REV3L: variants seen among roughly 807,000 people sequenced by gnomAD.
The protein encoded by REV3L is REV3 like, DNA directed polymerase zeta catalytic subunit.
In REV3L, 69 loss-of-function variants were observed where a neutral mutation model predicts 299.4. The ratio of observed to expected loss-of-function variants is 0.23; its 90% CI spans 0.19 to 0.28. The LOEUF (loss-of-function observed/expected upper bound fraction) is 0.28. Ranked by LOEUF, REV3L falls within the 10% of genes least tolerant of loss-of-function variation. The pLI is 1.00. For missense variants in REV3L, 3,128 were observed against 3,693.8 expected, an observed-to-expected ratio of 0.85 and a Z score of 3.97; for synonymous variants, 1,238 against 1,271.4, an observed-to-expected ratio of 0.97 and a Z score of 0.56.
chr6:111,362,436 G>C (rs1379942072), intron 16 of REV3L, among the ~76,000 whole-genome samples: 1 of 152,064 alleles, frequency 6.6e-6, no homozygotes, highest in African/African-American at 2.4e-5. Flanking sequence ...CTTAAAGGTG[G>C]TTACTAATCC....
In REV3L at chr6:111,322,692, C is replaced by A; in HGVS notation, c.8242-14G>T. On this transcript the variant is annotated splice_polypyrimidine_tract_variant and intron_variant, in intron 25 of 31. Transcript: ENST00000368802. ...ACTATCGCCAACCTGTTGGTACAAA[C>A]ACATTGGAAATAATTTCTTAACATA... 1 of 1,595,280 alleles carries A rather than the reference C, an allele frequency of 6.3e-7. No individual in the cohort carries two copies. Among genetic ancestry groups the A allele is most frequent in the Non-Finnish European group, 8.6e-7 (1 of 1,162,990 alleles).
chr6:111,443,784 C>T (rs1788541629), intron 1 of REV3L, among the ~76,000 whole-genome samples: 2 of 152,178 alleles, frequency 1.3e-5, no homozygotes, highest in African/African-American at 4.8e-5. Flanking sequence ...GGGTCTTAAC[C>T]TGTCCATACA....
intron 9 of REV3L, among the ~76,000 whole-genome samples, chr6:111,385,812 A>G (rs1781287083): frequency 1.3e-5 from 2 of 152,196 alleles, no homozygotes; most frequent in South Asian, 2.1e-4. Flanking sequence ...CACAAAATGT[A>G]ATTCACAAAC....
intron 1 of REV3L, among the ~76,000 whole-genome samples, chr6:111,448,814 A>G (rs991838640): frequency 1.4e-5 from 2 of 147,254 alleles, no homozygotes; most frequent in Non-Finnish European, 3.0e-5. Flanking sequence ...AATTTTTAAC[A>G]AAGATGAGGT....
intron 26 of REV3L, among the ~76,000 whole-genome samples, chr6:111,320,911 A>C (rs911649824): frequency 5.3e-5 from 8 of 152,340 alleles, no homozygotes; most frequent in African/African-American, 1.4e-4. Context: ...TTGGCCTCCC[A>C]AAGTGCTAGG....
chr6:111,367,467 T>A lies in REV3L; in HGVS notation c.6321A>T (p.Glu2107Asp), dbSNP rs150039219. Residue 2107 changes from glutamate to aspartate, a missense_variant, in exon 14 of 32, where the codon GAA becomes GAT. By Grantham distance (45) the Glu-to-Asp change is conservative (BLOSUM62 2). Transcript: ENST00000368802. ...VASASDPEKD[E>D]DDDDNYYISY... ...TAATGTAATAGTTATCATCATCATC[T>A]TCATCTTTTTCGGGATCACTTGCAG... 27 of 1,608,632 alleles carry A rather than the reference T, an allele frequency of 1.7e-5. No homozygotes were observed. In the African/African-American group the frequency reaches 2.8e-4, roughly 17 times the overall value.
intron 3 of REV3L, among the ~76,000 whole-genome samples, chr6:111,410,728 C>G (rs536207971): frequency 6.6e-6 from 1 of 152,270 alleles, no homozygotes; most frequent in South Asian, 2.1e-4. Context: ...TCTGGGCAGT[C>G]GTGCCCCCTG....
chr6:111,480,668 T>A (rs1793516786), intron 1 of REV3L, among the ~76,000 whole-genome samples: 1 of 152,072 alleles, frequency 6.6e-6, no homozygotes, highest in African/African-American at 2.4e-5. Flanking sequence ...CAAATTCAAT[T>A]TGATAATCCT....
intron 4 of REV3L, among the ~76,000 whole-genome samples, chr6:111,403,189 T>C (rs1224518158): frequency 1.3e-5 from 2 of 152,136 alleles, no homozygotes; most frequent in Non-Finnish European, 2.9e-5. Flanking sequence ...TGGGCAAATA[T>C]ACAGAGACCA....
chr6:111,413,355 A>G (rs1022005110), intron 2 of REV3L, among the ~76,000 whole-genome samples: 4 of 152,124 alleles, frequency 2.6e-5, no homozygotes, highest in African/African-American at 4.8e-5. Context: ...ATATCTCGTA[A>G]TTAGTTTTTT....
chr6:111,435,533 A>T (rs192790412), intron 1 of REV3L, among the ~76,000 whole-genome samples: 1 of 152,204 alleles, frequency 6.6e-6, no homozygotes, highest in Non-Finnish European at 1.5e-5. Flanking sequence ...ATTTTCAACA[A>T]AGGCATCAAA....
At chr6:111,411,444 T>G (rs757715641) in intron 3 of REV3L, 36 bp downstream of exon 3, 2 of 1,248,988 alleles carry the variant, frequency 1.6e-6, no homozygotes, top group Non-Finnish European at 1.1e-6. Context: ...ACTTCAATGA[T>G]AGTTATTCAT....
intron 13 of REV3L, 57 bp from the exon 14 acceptor site, chr6:111,368,085 T>TTTAA: frequency 7.1e-7 from 1 of 1,407,202 alleles, no homozygotes; most frequent in Non-Finnish European, 9.5e-7. Context: ...TACCAAAATA[T>TTTAA]TTAACTCCAT....
intron 21 of REV3L, among the ~76,000 whole-genome samples, chr6:111,339,308 T>C (rs1041370696): frequency 3.3e-5 from 5 of 152,148 alleles, no homozygotes; most frequent in Admixed American, 3.3e-4. Context: ...TGAGGATTAC[T>C]GTAAGACTAA....
chr6:111,351,492 A>T (rs1777561711), intron 19 of REV3L, among the ~76,000 whole-genome samples, 184 bp downstream of exon 19: 1 of 152,246 alleles, frequency 6.6e-6, no homozygotes, highest in Non-Finnish European at 1.5e-5. Context: ...TATAGCAGTG[A>T]GACTAGAATA....
intron 18 of REV3L, among the ~76,000 whole-genome samples, chr6:111,353,478 T>A (rs796852305): frequency 1.3e-5 from 2 of 152,196 alleles, no homozygotes; most frequent in Non-Finnish European, 1.5e-5. Flanking sequence ...AAAGGCCCTA[T>A]GAAAGTACAT....
chr6:111,376,451 A>G lies in REV3L; in HGVS notation c.1904T>C (p.Val635Ala). Residue 635 changes from valine (V) to alanine (A), a missense_variant, in exon 13 of 32, where the codon GTT (valine) becomes GCT (alanine). By Grantham distance (64) the Val-to-Ala change is moderately conservative. This residue lies in a region of REV3L where 2,409 missense variants were observed against 2,611.8 expected (regional missense o/e 0.92). Transcript: ENST00000368802. ...CTCTTTATGAGAATTTTCTGAATGA[A>G]CAGTACTGCTTAAAGATCCAGGGTA... ...MKYPGSLSST[V>A]HSENSHKENS... is the part of the protein sequence containing the mutation. 1 of 1,613,808 alleles carries G rather than the reference A, an allele frequency of 6.2e-7. No homozygotes were observed. Among genetic ancestry groups the G allele is most frequent in the Non-Finnish European group, 8.5e-7 (1 of 1,179,840 alleles).
chr6:111,465,687 C>A (rs550714354), intron 1 of REV3L, among the ~76,000 whole-genome samples: 1 of 144,744 alleles, frequency 6.9e-6, no homozygotes, highest in African/African-American at 2.5e-5. Flanking sequence ...GAGCTGAGAT[C>A]GCGCCCGAGC....
intron 1 of REV3L, among the ~76,000 whole-genome samples, chr6:111,460,997 A>G (rs1394082623): frequency 6.6e-6 from 1 of 152,162 alleles, no homozygotes; most frequent in Non-Finnish European, 1.5e-5. Flanking sequence ...AGCATATACA[A>G]TTATGTTAAG....
Sources: allele counts gnomAD v4.1 joint callset (sites outside exome capture counted in the v4.1 genomes callset), GRCh38; gene constraint gnomAD v4.1.1; regional missense constraint gnomAD v4.1.1; transcripts MANE v1.5; gene names NCBI Gene and HGNC (gene_info 2026-07-23, HGNC 2026-07-21).